The following CYP7B1 variants were observed in gnomAD, a reference collection of about 807,000 sequenced individuals.
CYP7B1 encodes the protein cytochrome P450 7B1.
Under a neutral mutation model 42.7 loss-of-function variants are expected in CYP7B1, and 29 were observed. The observed-to-expected ratio is 0.68, with a 90% CI of 0.51 to 0.93. CYP7B1 has a LOEUF of 0.93. Ranked by LOEUF, CYP7B1 falls within the 40% of genes least tolerant of loss-of-function variation. CYP7B1 has a pLI of 0.00. For synonymous variants in CYP7B1, 235 were observed against 218.2 expected, an observed-to-expected ratio of 1.08 and a Z score of -0.68; for missense variants, 655 against 600.5, an observed-to-expected ratio of 1.09 and a Z score of -0.95.
intron 1 of CYP7B1, among the ~76,000 whole-genome samples, chr8:64,676,009 C>T (rs1376704891): frequency 6.6e-6 from 1 of 152,100 alleles, no homozygotes; most frequent in Non-Finnish European, 1.5e-5. Context: ...TCTTAACTCC[C>T]CAGTCCGGAC....
At chr8:64,600,181 T>C (rs1046771931) in intron 5 of CYP7B1, among the ~76,000 whole-genome samples, 2 of 152,230 alleles carry the variant, frequency 1.3e-5, no homozygotes, top group South Asian at 2.1e-4. Flanking sequence ...TAGGAAATTG[T>C]ATAATATTGA....
chr8:64,717,471 A>G (rs545293409), intron 1 of CYP7B1, among the ~76,000 whole-genome samples: 1 of 152,310 alleles, frequency 6.6e-6, no homozygotes, highest in East Asian at 1.9e-4. Context: ...TCATGTATCT[A>G]TTCTACCTTT....
chr8:64,686,069 C>A lies in CYP7B1; in HGVS notation c.123-61530G>T, dbSNP rs1208158248. On this transcript the variant is annotated intron_variant, in intron 1 of 5. Transcript: ENST00000310193. The stretch of plus-strand genomic sequence containing the variant: ...GGGAGATGGGGGGGGTCAGCCCCCC[C>A]ACCCGGCCAGCCGCCCCGTCCGGGA... 1.9e-4 allele frequency among the ~76,000 whole-genome samples: 23 copies of A among 120,672 alleles called. No homozygotes were observed. The South Asian group carries it at 3.5e-3, about 18-fold the overall frequency. 79.2% of individuals were successfully genotyped at this position (120,672 alleles called of 152,430 possible). A position where few individuals can be genotyped will look rare whatever the true frequency, so the allele number is the denominator to read the frequency against.
At chr8:64,723,832 A>G (rs1807280405) in intron 1 of CYP7B1, among the ~76,000 whole-genome samples, 1 of 152,202 alleles carries the variant, frequency 6.6e-6, no homozygotes, top group African/African-American at 2.4e-5. Flanking sequence ...AAAGTAGAAA[A>G]ACTGTCGGCC....
intron 1 of CYP7B1, among the ~76,000 whole-genome samples, chr8:64,636,109 A>G (rs755961430): frequency 2.0e-4 from 30 of 152,174 alleles, no homozygotes; most frequent in Non-Finnish European, 2.5e-4. Context: ...GAATGACCAC[A>G]CCACTCAAGT....
intron 1 of CYP7B1, among the ~76,000 whole-genome samples, chr8:64,762,341 T>C (rs1807902979): frequency 6.6e-6 from 1 of 152,186 alleles, no homozygotes; most frequent in African/African-American, 2.4e-5. Flanking sequence ...TGAATGATGG[T>C]ATTGATTTTC....
intron 1 of CYP7B1, among the ~76,000 whole-genome samples, chr8:64,663,419 G>C (rs558233840): frequency 6.6e-6 from 1 of 152,166 alleles, no homozygotes; most frequent in Non-Finnish European, 1.5e-5. Flanking sequence ...GCTTCACTCC[G>C]TAACATGAGG....
At chr8:64,788,767 G>A (rs1439020500) in intron 1 of CYP7B1, among the ~76,000 whole-genome samples, 2 of 152,152 alleles carry the variant, frequency 1.3e-5, no homozygotes, top group African/African-American at 2.4e-5. Context: ...GAGGTTTTGT[G>A]ACCAGAAATA....
chr8:64,778,916 A>G (rs1804371007), intron 1 of CYP7B1, among the ~76,000 whole-genome samples: 1 of 152,116 alleles, frequency 6.6e-6, no homozygotes, highest in South Asian at 2.1e-4. Context: ...AGAGCAAAAA[A>G]GGCATTTGCC....
chr8:64,726,262 T>C (rs1807323264), intron 1 of CYP7B1, among the ~76,000 whole-genome samples: 1 of 152,210 alleles, frequency 6.6e-6, no homozygotes, highest in Non-Finnish European at 1.5e-5. Context: ...TGACTTAAAA[T>C]GGCCCATAGG....
intron 1 of CYP7B1, among the ~76,000 whole-genome samples, chr8:64,694,946 A>G (rs1298656391): frequency 6.6e-6 from 1 of 152,252 alleles, no homozygotes; most frequent in Non-Finnish European, 1.5e-5. Flanking sequence ...TTCTGAGTAC[A>G]TGGGTAACGA....
intron 1 of CYP7B1, among the ~76,000 whole-genome samples, chr8:64,635,106 C>A (rs1222982442): frequency 6.6e-6 from 1 of 152,124 alleles, no homozygotes; most frequent in South Asian, 2.1e-4. Flanking sequence ...GAGCATCTCA[C>A]GGGTACAGTT....
chr8:64,798,571 G>C lies in CYP7B1; in HGVS notation c.17C>G (p.Ser6Cys), dbSNP rs1044499833. The change falls in exon 1 of 6, where the codon TCC (serine) becomes TGC (cysteine). Residue 6 changes from serine to cysteine, a missense_variant. Coordinates refer to ENST00000310193, the MANE Select transcript of CYP7B1 (RefSeq NM_004820.5). MAGEV[S>C]AATGRFSLER... ...CAGCGAAAAGCGGCCCGTGGCCGCG[G>C]ACACTTCTCCTGCCATCCGGCGCGC... The C allele has an allele frequency of 4.7e-6, 7 of 1,486,806 alleles. No homozygotes were observed. Among genetic ancestry groups the C allele is most frequent in the Admixed American group, 4.6e-5 (2 of 43,438 alleles). 92.1% of individuals were successfully genotyped at this position (1,486,806 alleles called of 1,614,324 possible).
chr8:64,779,516 C>T (rs1038370317), intron 1 of CYP7B1, among the ~76,000 whole-genome samples: 1 of 152,038 alleles, frequency 6.6e-6, no homozygotes, highest in African/African-American at 2.4e-5. Context: ...ACTTATTATC[C>T]AGAGAAGTTA....
chr8:64,717,074 T>C (rs183731064), intron 1 of CYP7B1, among the ~76,000 whole-genome samples: 2 of 152,358 alleles, frequency 1.3e-5, no homozygotes, highest in African/African-American at 4.8e-5. Flanking sequence ...AATGTCTCTT[T>C]AGTGCTGGTA....
At chr8:64,706,093 C>G (rs185670346) in intron 1 of CYP7B1, among the ~76,000 whole-genome samples, 3 of 151,986 alleles carry the variant, frequency 2.0e-5, no homozygotes. Flanking sequence ...AAAAAGAAAA[C>G]AGCATTAAGA....
chr8:64,631,823 T>G lies in CYP7B1; in HGVS notation c.123-7284A>C, dbSNP rs368040920. 7.2e-5 allele frequency among the ~76,000 whole-genome samples: 11 copies of G among 152,246 alleles called. 1 individual carries two copies. The East Asian group carries it at 1.3e-3, about 19-fold the overall frequency. On this transcript the variant is annotated intron_variant, in intron 1 of 5. Coordinates refer to ENST00000310193, the MANE Select transcript of CYP7B1 (RefSeq NM_004820.5). ...CCAACAGGTATTGAAAAAATGCCAA[T>G]GTCACTAATGATCAGGGAAATGCAA...
intron 1 of CYP7B1, among the ~76,000 whole-genome samples, chr8:64,737,019 G>A (rs551851951): frequency 1.3e-5 from 2 of 152,232 alleles, no homozygotes; most frequent in East Asian, 3.9e-4. Flanking sequence ...AAATTAATGA[G>A]ACAGAAAACA....
intron 1 of CYP7B1, among the ~76,000 whole-genome samples, chr8:64,715,879 A>G (rs1274051542): frequency 1.3e-5 from 2 of 152,272 alleles, no homozygotes; most frequent in African/African-American, 4.8e-5. Context: ...CCCCAAATGA[A>G]GAAAAGGGAG....
Sources: gnomAD v4.1 joint callset for allele counts (sites outside exome capture counted in the v4.1 genomes callset) on GRCh38, gnomAD v4.1.1 for gene constraint, MANE v1.5 for transcripts, NCBI Gene and HGNC (gene_info 2026-07-23, HGNC 2026-07-21) for gene names.